Variants in CALN1 observed in about 807,000 individuals in gnomAD.
CALN1 encodes calneuron 1.
In CALN1, 17 loss-of-function variants were observed where a neutral mutation model predicts 30.6. The ratio of observed to expected loss-of-function variants is 0.56; its 90% CI spans 0.38 to 0.83. The LOEUF (loss-of-function observed/expected upper bound fraction) is 0.83, where lower values mean the gene tolerates loss of function less well. Ranked by LOEUF, CALN1 falls within the 40% of genes least tolerant of loss-of-function variation. The pLI is 0.00. For missense variants in CALN1, 291 were observed against 354.9 expected, an observed-to-expected ratio of 0.82 and a Z score of 1.45; for synonymous variants, 156 against 131.4, an observed-to-expected ratio of 1.19 and a Z score of -1.28.
chr7:71,905,232 C>A (rs12699112), intron 5 of CALN1, among the ~76,000 whole-genome samples: 13,472 of 152,130 alleles, frequency 0.089, 1,007 homozygotes, highest in East Asian at 0.42. Flanking sequence ...AGCCATCGTG[C>A]CTGGCCTATT....
At chr7:72,260,714 G>A (rs1796207281) in intron 3 of CALN1, among the ~76,000 whole-genome samples, 2 of 151,892 alleles carry the variant, frequency 1.3e-5, no homozygotes, top group African/African-American at 4.8e-5. Flanking sequence ...TATCTGAGGA[G>A]CCCCCCACAC....
intron 4 of CALN1, among the ~76,000 whole-genome samples, chr7:72,064,605 A>G (rs1463041840): frequency 6.6e-5 from 10 of 152,244 alleles, no homozygotes; most frequent in South Asian, 2.1e-4. Flanking sequence ...TTATTTTAAC[A>G]TAGACAGGGA....
At position 72,308,435 on chromosome 7, in the gene CALN1, A is replaced by G. The variant is rs547046716; in HGVS notation, c.120-29625T>C. 1.8e-3 allele frequency among the ~76,000 whole-genome samples: 270 copies of G among 151,364 alleles called. 2 individuals are homozygous for G. The highest frequency in any genetic ancestry group is 0.014 in the Middle Eastern group (4 of 290). On this transcript the variant is annotated intron_variant, in intron 2 of 6. Coordinates refer to ENST00000395275, the MANE Select transcript of CALN1 (RefSeq NM_031468.4). ...GAAAGGAAAGAAAGAAGAAATCCACAAAGTACCACCAAAGCTTGAGCTGCT... is the reference window on the plus strand; with the variant it reads ...GAAAGGAAAGAAAGAAGAAATCCACGAAGTACCACCAAAGCTTGAGCTGCT...
chr7:71,875,235 A>G (rs1017798414), intron 5 of CALN1, among the ~76,000 whole-genome samples: 4 of 151,072 alleles, frequency 2.6e-5, no homozygotes, highest in African/African-American at 9.7e-5. Context: ...CAGCTGTGTC[A>G]GCAGATGGGC....
At chr7:71,973,788 C>T (rs1048963891) in intron 5 of CALN1, among the ~76,000 whole-genome samples, 4 of 152,040 alleles carry the variant, frequency 2.6e-5, no homozygotes, top group Admixed American at 6.6e-5. Flanking sequence ...AATAAAATGA[C>T]GCAGCTACGT....
At chr7:72,378,543 T>C (rs1300123505) in intron 2 of CALN1, among the ~76,000 whole-genome samples, 2 of 152,206 alleles carry the variant, frequency 1.3e-5, no homozygotes, top group African/African-American at 4.8e-5. Context: ...CTCTAGTTAA[T>C]CACTTCAAGT....
intron 2 of CALN1, among the ~76,000 whole-genome samples, chr7:72,366,831 A>AC (rs1370424834): frequency 6.6e-6 from 1 of 151,690 alleles, no homozygotes. Context: ...ATAACCAACA[A>AC]AAAAAAAGGT....
In CALN1 at chr7:72,198,625, A is replaced by G. The variant is rs990523971; in HGVS notation, c.244+80061T>C. Among the ~76,000 whole-genome samples the G allele has an allele frequency of 2.0e-5, 3 of 151,832 alleles. No homozygotes were observed. In the South Asian group the frequency reaches 6.3e-4, roughly 32 times the overall value. On this transcript the variant is annotated intron_variant, in intron 3 of 6. Transcript: ENST00000395275. ...AAAATAACCCACTCCCAGCAATTCTACCTTCTACCAACTGTGACATTTATA... is the reference window on the plus strand; with the variant it reads ...AAAATAACCCACTCCCAGCAATTCTGCCTTCTACCAACTGTGACATTTATA...
intron 2 of CALN1, among the ~76,000 whole-genome samples, chr7:72,309,856 T>C (rs1049233602): frequency 1.3e-5 from 2 of 152,138 alleles, no homozygotes; most frequent in Non-Finnish European, 1.5e-5. Flanking sequence ...TTTGCTGACT[T>C]TGAATCAGAA....
chr7:72,202,891 G>A (rs1317082464), intron 3 of CALN1, among the ~76,000 whole-genome samples: 1 of 152,124 alleles, frequency 6.6e-6, no homozygotes, highest in African/African-American at 2.4e-5. Flanking sequence ...ATGCACACAT[G>A]TTTATTGCAG....
At chr7:71,808,227 A>T (rs1466600951) in intron 6 of CALN1, among the ~76,000 whole-genome samples, 1 of 152,006 alleles carries the variant, frequency 6.6e-6, no homozygotes, top group South Asian at 2.1e-4. Context: ...TTATTACCAT[A>T]ATGGTTAATT....
At chr7:71,807,294 C>A (rs1398706059) in intron 6 of CALN1, among the ~76,000 whole-genome samples, 1 of 152,128 alleles carries the variant, frequency 6.6e-6, no homozygotes, top group Non-Finnish European at 1.5e-5. Context: ...CTCCTCTAGT[C>A]CTAGGATGCT....
At chr7:71,794,442 A>G (rs1359208233) in intron 6 of CALN1, among the ~76,000 whole-genome samples, 1 of 152,220 alleles carries the variant, frequency 6.6e-6, no homozygotes, top group East Asian at 1.9e-4. Flanking sequence ...ATAGAAGACT[A>G]TAGGTCAGTC....
intron 5 of CALN1, among the ~76,000 whole-genome samples, chr7:71,922,386 G>C (rs1372686545): frequency 6.6e-6 from 1 of 150,734 alleles, no homozygotes; most frequent in Non-Finnish European, 1.5e-5. Flanking sequence ...CTAGCCTACA[G>C]TGACAACTAG....
chr7:72,285,457 A>G (rs972047896), intron 2 of CALN1, among the ~76,000 whole-genome samples: 2 of 152,046 alleles, frequency 1.3e-5, no homozygotes, highest in Admixed American at 1.3e-4. Context: ...GTTGGCCAGG[A>G]TAGTCTCGAT....
chr7:71,935,933 C>T (rs1487326330), intron 5 of CALN1, among the ~76,000 whole-genome samples: 1 of 152,126 alleles, frequency 6.6e-6, no homozygotes, highest in Non-Finnish European at 1.5e-5. Flanking sequence ...TTTTCTGTAA[C>T]CTCATTTTGG....
At chr7:72,130,581 G>C (rs562014646) in intron 3 of CALN1, among the ~76,000 whole-genome samples, 3 of 152,090 alleles carry the variant, frequency 2.0e-5, no homozygotes, top group African/African-American at 7.2e-5. Flanking sequence ...CCAACCTAAC[G>C]TGTAGAGTAT....
At chr7:71,814,758 TTTC>T (rs1361335124) in intron 5 of CALN1, among the ~76,000 whole-genome samples, 3 of 152,174 alleles carry the variant, frequency 2.0e-5, no homozygotes, top group Non-Finnish European at 4.4e-5. Flanking sequence ...ATAATAGCAT[TTTC>T]TTCTCCCTAG....
intron 2 of CALN1, among the ~76,000 whole-genome samples, chr7:72,380,726 T>C (rs1018224818): frequency 6.7e-6 from 1 of 149,692 alleles, no homozygotes; most frequent in Non-Finnish European, 1.5e-5. Context: ...GATAGATACA[T>C]AGATACATAG....
Sources: gnomAD v4.1 joint callset for allele counts (sites outside exome capture counted in the v4.1 genomes callset) on GRCh38, gnomAD v4.1.1 for gene constraint, MANE v1.5 for transcripts, NCBI Gene and HGNC (gene_info 2026-07-23, HGNC 2026-07-21) for gene names.